The following FUT4 variants were observed in gnomAD, a reference collection of about 807,000 sequenced individuals.
The protein encoded by FUT4 is alpha-(1,3)-fucosyltransferase 4.
A neutral mutation model predicts 3.8 loss-of-function variants in FUT4; 1 was observed. That is an observed-to-expected ratio of 0.26 (90% confidence interval 0.09 to 1.25). FUT4 has a LOEUF of 1.25. Ranked by LOEUF, FUT4 falls within the 50% of genes most tolerant of loss-of-function variation. The probability of loss-of-function intolerance (pLI) is 0.47; values close to 1 mark genes in which losing one functional copy is unlikely to be tolerated. For synonymous variants in FUT4, 417 were observed against 355.3 expected (o/e 1.17, Z -1.95); for missense variants, 880 against 768.2 (o/e 1.15, Z -1.72).
At position 94,547,844 on chromosome 11, in the gene FUT4, A is replaced by G. The variant is rs1947880806; in HGVS notation, c.*2118A>G. On this transcript the variant is annotated 3_prime_UTR_variant, in exon 1 of 1. Coordinates refer to ENST00000358752, the MANE Select transcript of FUT4 (RefSeq NM_002033.4). ...GTCCTGAGCCTCAGCGTCCTCATCT[A>G]TAAAATGACTGGCGAAAATACTTCA... 1.2e-5 allele frequency: 2 copies of G among 167,080 alleles called. No homozygotes were observed. The highest frequency in any genetic ancestry group is 2.1e-4 in the South Asian group (1 of 4,836). 10.3% of individuals were successfully genotyped at this position (167,080 alleles called of 1,614,324 possible). A position where few individuals can be genotyped will look rare whatever the true frequency, so the allele number is the denominator to read the frequency against.
In FUT4 at chr11:94,544,642, C is replaced by T. The variant is rs753633466; in HGVS notation, c.509C>T (p.Ala170Val). The T allele has an allele frequency of 8.6e-5, 131 of 1,514,988 alleles. No homozygotes were observed. Among genetic ancestry groups the T allele is most frequent in the Non-Finnish European group, 8.7e-6 (10 of 1,144,876 alleles). 93.8% of individuals were successfully genotyped at this position (1,514,988 alleles called of 1,614,324 possible). A position where few individuals can be genotyped will look rare whatever the true frequency, so the allele number is the denominator to read the frequency against. Residue 170 changes from alanine to valine, a missense_variant, in exon 1 of 1, where the codon GCT (alanine) becomes GTT (valine). Around this residue, in one of 3 missense-constraint regions of FUT4, gnomAD observed 447 missense variants for 339.5 expected, o/e 1.32. Transcript: ENST00000358752. ...ACGTGTACGGCGCTGATCACCTACG[C>T]TTGCTGGGGGCAGCTGCCGCCGCTG... is the stretch of plus-strand genomic sequence containing the variant. ...GLTCTALITY[A>V]CWGQLPPLPW...
In FUT4 at chr11:94,544,326, C is replaced by T; in HGVS notation, c.193C>T (p.Arg65Trp). ...CCTTGCCCTGGCGGCTCGCCCCGCC[C>T]GGCACTTGGGAGGAGCAGGGCAGGG... Reference protein sequence around the residue: ...AHLALAARPARHLGGAGQGPR... With the variant: ...AHLALAARPAWHLGGAGQGPR... Residue 65 changes from arginine to tryptophan, a missense_variant, in exon 1 of 1, where the codon CGG (arginine) becomes TGG (tryptophan). Transcript: ENST00000358752. 1.3e-6 allele frequency: 2 copies of T among 1,553,138 alleles called. No homozygotes were observed. Among genetic ancestry groups the T allele is most frequent in the Non-Finnish European group, 1.7e-6 (2 of 1,156,208 alleles).
rs1013235313 is a variant in FUT4, at chr11:94,544,025, G to C, written c.-109G>C. ...TCCTGTACCTTCCCAGGGATGAACC[G>C]GGCCTTCCCTCTGGAAGGCGAGGGT... On this transcript the variant is annotated 5_prime_UTR_variant, in exon 1 of 1. Transcript: ENST00000358752. 6.1e-6 allele frequency: 8 copies of C among 1,308,648 alleles called. No individual in the cohort carries two copies. The highest frequency in any genetic ancestry group is 5.9e-6 in the Non-Finnish European group (6 of 1,019,842). The allele number at this position is 1,308,648 out of a possible 1,614,324, so 81.1% of individuals were successfully genotyped here.
chr11:94,544,234 G>A lies in FUT4; in HGVS notation c.101G>A (p.Arg34Gln), dbSNP rs1040644282. ...PQEAPGAWSG[R>Q]LGPGRSGRKG... ...GAGGCTCCCGGGGCCTGGTCGGGCC[G>A]GCTGGGCCCCGGGCGCAGTGGAAGA... The change falls in exon 1 of 1, where the codon CGG (arginine) becomes CAG (glutamine). Residue 34 changes from arginine to glutamine, a missense_variant. This residue lies in a region of FUT4 where 447 missense variants were observed against 339.5 expected (regional missense o/e 1.32). Transcript: ENST00000358752. The A allele has an allele frequency of 4.7e-6, 7 of 1,480,598 alleles. No homozygotes were observed. The highest frequency in any genetic ancestry group is 1.5e-5 in the African/African-American group (1 of 67,914). 91.7% of individuals were successfully genotyped at this position (1,480,598 alleles called of 1,614,324 possible).
rs573871199 is a variant in FUT4, at chr11:94,548,156, T to C, written c.*2430T>C. 1.3e-5 allele frequency: 2 copies of C among 151,694 alleles called. No individual in the cohort carries two copies. The highest frequency in any genetic ancestry group is 5.4e-5 in the African/African-American group (2 of 37,058). The allele number at this position is 151,694 out of a possible 1,614,324, so 9.4% of individuals were successfully genotyped here. A position where few individuals can be genotyped will look rare whatever the true frequency, so the allele number is the denominator to read the frequency against. ...TGGTAAAGCTCTATAAATTGGTATC[T>C]ATTATTTTACCAATTTTTTTTTAGT... On this transcript the variant is annotated 3_prime_UTR_variant, in exon 1 of 1. Transcript: ENST00000358752.
chr11:94,546,286 G>T lies in FUT4; in HGVS notation c.*560G>T, dbSNP rs961633833. Reference sequence around the variant, plus strand: ...AGGTGAGGAGGGCAGTCCAAGAGGGGCCGCTGACTTCTTTCACAAGTACTA... The same window carrying T: ...AGGTGAGGAGGGCAGTCCAAGAGGGTCCGCTGACTTCTTTCACAAGTACTA... On this transcript the variant is annotated 3_prime_UTR_variant, in exon 1 of 1. Transcript: ENST00000358752. 15 of 236,264 alleles carry T rather than the reference G, an allele frequency of 6.3e-5. No individual in the cohort carries two copies. The highest frequency in any genetic ancestry group is 1.3e-4 in the Non-Finnish European group (14 of 109,122). The allele number at this position is 236,264 out of a possible 1,614,324, so 14.6% of individuals were successfully genotyped here.
At position 94,544,455 on chromosome 11, in the gene FUT4, T is replaced by C. The variant is rs1283413177; in HGVS notation, c.322T>C (p.Ser108Pro). Residue 108 changes from serine to proline, a missense_variant, in exon 1 of 1, where the codon TCC (serine) becomes CCC (proline). Around this residue, in one of 3 missense-constraint regions of FUT4, gnomAD observed 447 missense variants for 339.5 expected, o/e 1.32. Coordinates refer to ENST00000358752, the MANE Select transcript of FUT4 (RefSeq NM_002033.4). ...PQLQHESRCR[S>P]STPADAWRAE... ...GCTACAGCATGAGAGCCGGTGCCGC[T>C]CCTCCACGCCTGCGGACGCGTGGCG... The C allele has an allele frequency of 6.6e-7, 1 of 1,507,460 alleles. No individual in the cohort carries two copies. The highest frequency in any genetic ancestry group is 1.2e-5 in the South Asian group (1 of 81,914). The allele number at this position is 1,507,460 out of a possible 1,614,324, so 93.4% of individuals were successfully genotyped here.
chr11:94,545,994 A>G lies in FUT4; in HGVS notation c.*268A>G. 1.7e-6 allele frequency: 1 copy of G among 595,030 alleles called. No homozygotes were observed. Among genetic ancestry groups the G allele is most frequent in the African/African-American group, 1.9e-5 (1 of 53,874 alleles). The allele number at this position is 595,030 out of a possible 1,614,324, so 36.9% of individuals were successfully genotyped here. ...GGGGTGAAGGAGGGGGTTCTTCCTC[A>G]CCTTGTAACCAGTGCAGAAATGAAA... On this transcript the variant is annotated 3_prime_UTR_variant, in exon 1 of 1. Transcript: ENST00000358752.
chr11:94,545,939 C>T lies in FUT4; in HGVS notation c.*213C>T. 2.8e-6 allele frequency: 2 copies of T among 713,356 alleles called. No homozygotes were observed. The highest frequency in any genetic ancestry group is 2.8e-5 in the East Asian group (1 of 36,244). The allele number at this position is 713,356 out of a possible 1,614,324, so 44.2% of individuals were successfully genotyped here. The stretch of plus-strand genomic sequence containing the variant: ...TTTTTGCACAGCTAGCAATTGGGCT[C>T]CCTTTGCTGCTGATGGGCATCATTG... On this transcript the variant is annotated 3_prime_UTR_variant, in exon 1 of 1. Coordinates refer to ENST00000358752, the MANE Select transcript of FUT4 (RefSeq NM_002033.4).
Position 94,545,219 on chromosome 11 carries a change from C to T in FUT4, c.1086C>T (p.Ser362=), listed in dbSNP as rs551352054. The T allele has an allele frequency of 5.6e-6, 9 of 1,610,886 alleles. No individual in the cohort carries two copies. In the South Asian group the frequency reaches 7.7e-5, roughly 14 times the overall value. The change falls in exon 1 of 1, where the codon AGC becomes AGT. Residue 362 remains serine (S), a synonymous_variant. Transcript: ENST00000358752. ...AGGGGCTGGTGGCATGGGTGGTGAG[C>T]CACTGGGACGAGCGCCAGGCCCGGG... ...RKQGLVAWVV[S]HWDERQARVR...
chr11:94,545,869 C>T lies in FUT4; in HGVS notation c.*143C>T. 9.8e-7 allele frequency: 1 copy of T among 1,024,772 alleles called. No homozygotes were observed. Among genetic ancestry groups the T allele is most frequent in the Non-Finnish European group, 1.5e-6 (1 of 667,104 alleles). 63.5% of individuals were successfully genotyped at this position (1,024,772 alleles called of 1,614,324 possible). ...GCTCTATGGGAAAAAAACGATTTAC[C>T]AATTAATATTACTCAGCACAGAGAT... On this transcript the variant is annotated 3_prime_UTR_variant, in exon 1 of 1. Coordinates refer to ENST00000358752, the MANE Select transcript of FUT4 (RefSeq NM_002033.4).
In FUT4 at chr11:94,545,757, A is replaced by T. The variant is rs1451941269; in HGVS notation, c.*31A>T. 10 of 1,589,100 alleles carry T rather than the reference A, an allele frequency of 6.3e-6. No individual in the cohort carries two copies. Among genetic ancestry groups the T allele is most frequent in the Non-Finnish European group, 8.6e-6 (10 of 1,168,328 alleles). ...CGCTCCCCTGGAAGCGACCCAGGGGAGGCCAAGTTGTCAGCTTTTTGATCC... is the reference window on the plus strand; with the variant it reads ...CGCTCCCCTGGAAGCGACCCAGGGGTGGCCAAGTTGTCAGCTTTTTGATCC... On this transcript the variant is annotated 3_prime_UTR_variant, in exon 1 of 1. Transcript: ENST00000358752.
Position 94,544,684 on chromosome 11 carries a change from C to G in FUT4, c.551C>G (p.Thr184Ser), listed in dbSNP as rs1947837817. The G allele has an allele frequency of 1.3e-6, 2 of 1,543,724 alleles. No homozygotes were observed. Among genetic ancestry groups the G allele is most frequent in the Middle Eastern group, 2.2e-4 (1 of 4,502 alleles). The change falls in exon 1 of 1, where the codon ACC becomes AGC. Residue 184 changes from threonine to serine, a missense_variant. Transcript: ENST00000358752. The stretch of plus-strand genomic sequence containing the variant: ...CCGCCGCTGCCCTGGGCGTCGCCAA[C>G]CCCGTCGCGACCGGTGGGCGTGCTG... ...QLPPLPWASP[T>S]PSRPVGVLLW... is the part of the protein sequence containing the mutation.
rs1947862926 is a variant in FUT4, at chr11:94,546,434, A to G, written c.*708A>G. 5.8e-6 allele frequency: 1 copy of G among 172,146 alleles called. No homozygotes were observed. Among genetic ancestry groups the G allele is most frequent in the Non-Finnish European group, 1.4e-5 (1 of 70,860 alleles). The allele number at this position is 172,146 out of a possible 1,614,324, so 10.7% of individuals were successfully genotyped here. A position where few individuals can be genotyped will look rare whatever the true frequency, so the allele number is the denominator to read the frequency against. ...TGTATTCCTGAAAAGCTGCATTTAA[A>G]TCAAGTCCCAAATTCATTGACTTAG... is the stretch of plus-strand genomic sequence containing the variant. On this transcript the variant is annotated 3_prime_UTR_variant, in exon 1 of 1. Transcript: ENST00000358752.
Position 94,544,386 on chromosome 11 carries a change from C to T in FUT4, c.253C>T (p.His85Tyr), listed in dbSNP as rs1324256956. Residue 85 changes from histidine (H) to tyrosine (Y), a missense_variant, in exon 1 of 1, where the codon CAT (histidine) becomes TAT (tyrosine). By Grantham distance (83) the His-to-Tyr change is moderately conservative. Coordinates refer to ENST00000358752, the MANE Select transcript of FUT4 (RefSeq NM_002033.4). ...RPLHSGTAPF[H>Y]SRASGERQRR... Reference sequence around the variant, plus strand: ...TTTGCATTCTGGGACCGCCCCCTTCCATTCCCGGGCCAGCGGCGAGCGGCA... The same window carrying T: ...TTTGCATTCTGGGACCGCCCCCTTCTATTCCCGGGCCAGCGGCGAGCGGCA... 1 of 1,540,536 alleles carries T rather than the reference C, an allele frequency of 6.5e-7. No homozygotes were observed. The highest frequency in any genetic ancestry group is 1.2e-5 in the South Asian group (1 of 84,850).
In FUT4 at chr11:94,545,409, C is replaced by T. The variant is rs750024102; in HGVS notation, c.1276C>T (p.Leu426Phe). The change falls in exon 1 of 1, where the codon CTC becomes TTC. Residue 426 changes from leucine (L) to phenylalanine (F), a missense_variant. Around this residue, in one of 3 missense-constraint regions of FUT4, gnomAD observed 424 missense variants for 400.4 expected, o/e 1.06. Transcript: ENST00000358752. ...SQHLDYITEK[L>F]WRNALLAGAV... ...GCACCTGGATTATATCACCGAGAAG[C>T]TCTGGCGCAACGCGTTGCTCGCTGG... is the stretch of plus-strand genomic sequence containing the variant. 1 of 1,613,188 alleles carries T rather than the reference C, an allele frequency of 6.2e-7. No individual in the cohort carries two copies. The highest frequency in any genetic ancestry group is 1.7e-5 in the Admixed American group (1 of 60,010).
rs1947896646 is a variant in FUT4 at position 94,548,940 on chromosome 11, A to C, written c.*3214A>C. 6.0e-6 allele frequency: 1 copy of C among 167,036 alleles called. No homozygotes were observed. The highest frequency in any genetic ancestry group is 1.5e-5 in the Non-Finnish European group (1 of 68,098). 10.3% of individuals were successfully genotyped at this position (167,036 alleles called of 1,614,324 possible). A position where few individuals can be genotyped will look rare whatever the true frequency, so the allele number is the denominator to read the frequency against. On this transcript the variant is annotated 3_prime_UTR_variant, in exon 1 of 1. Transcript: ENST00000358752. ...GGGGAGACAGAGGAGTTTCATGTAA[A>C]GAGCATGCAGTTTGGAGTCAGAACC...
At position 94,544,043 on chromosome 11, in the gene FUT4, G is replaced by GC; in HGVS notation, c.-90dup. On this transcript the variant is annotated 5_prime_UTR_variant, in exon 1 of 1. An upstream open reading frame in the 5' UTR gains an earlier in-frame stop. Transcript: ENST00000358752. ...ATGAACCGGGCCTTCCCTCTGGAAG[G>GC]CGAGGGTTCGGGCCACAGTGAGCGA... 1 of 1,334,538 alleles carries GC rather than the reference G, an allele frequency of 7.5e-7. No homozygotes were observed. Among genetic ancestry groups the GC allele is most frequent in the South Asian group, 2.2e-5 (1 of 46,070 alleles). 82.7% of individuals were successfully genotyped at this position (1,334,538 alleles called of 1,614,324 possible). A position where few individuals can be genotyped will look rare whatever the true frequency, so the allele number is the denominator to read the frequency against.
Position 94,544,204 on chromosome 11 carries a change from C to G in FUT4, c.71C>G (p.Pro24Arg). ...TGGGAGAAGGAGTGGGCGGAGGCGC[C>G]GCAGGAGGCTCCCGGGGCCTGGTCG... Reference protein sequence around the residue: ...AGWEKEWAEAPQEAPGAWSGR... With the variant: ...AGWEKEWAEARQEAPGAWSGR... Residue 24 changes from proline to arginine, a missense_variant, in exon 1 of 1, where the codon CCG becomes CGG. By Grantham distance (103) the Pro-to-Arg change is moderately radical. Coordinates refer to ENST00000358752, the MANE Select transcript of FUT4 (RefSeq NM_002033.4). 1 of 1,426,780 alleles carries G rather than the reference C, an allele frequency of 7.0e-7. No individual in the cohort carries two copies. The highest frequency in any genetic ancestry group is 9.1e-7 in the Non-Finnish European group (1 of 1,094,692). The allele number at this position is 1,426,780 out of a possible 1,614,324, so 88.4% of individuals were successfully genotyped here.
Sources: gnomAD v4.1 joint callset for allele counts on GRCh38, gnomAD v4.1.1 for gene constraint, gnomAD v4.1.1 regional missense constraint, MANE v1.5 for transcripts, NCBI Gene and HGNC (gene_info 2026-07-23, HGNC 2026-07-21) for gene names.